The following DTD1 variants were observed in gnomAD, a reference collection of about 807,000 sequenced individuals.
DTD1 encodes D-tyrosyl-tRNA deacylase 1 homolog.
A neutral mutation model predicts 25.6 loss-of-function variants in DTD1; 13 were observed. The ratio of observed to expected loss-of-function variants is 0.51; its 90% CI spans 0.33 to 0.81. The LOEUF (loss-of-function observed/expected upper bound fraction) is 0.81. Among genes scored for constraint, DTD1 ranks in the 30% least tolerant of loss-of-function variants. The probability of loss-of-function intolerance (pLI) is 0.02; values close to 1 mark genes in which losing one functional copy is unlikely to be tolerated. For missense variants in DTD1, 193 were observed against 266.4 expected, an observed-to-expected ratio of 0.72 and a Z score of 1.92; for synonymous variants, 110 against 103.6, an observed-to-expected ratio of 1.06 and a Z score of -0.37.
chr20:18,735,948 A>G (rs1429110752), intron 4 of DTD1, among the ~76,000 whole-genome samples: 6 of 152,012 alleles, frequency 3.9e-5, no homozygotes, highest in African/African-American at 1.4e-4. Flanking sequence ...CTTTTTTTTC[A>G]GTAGTTCATC....
intron 3 of DTD1, among the ~76,000 whole-genome samples, chr20:18,627,540 A>G (rs76003268): frequency 0.016 from 2,366 of 152,286 alleles, 32 homozygotes; most frequent in African/African-American, 0.029. Flanking sequence ...TCTGTTGGGC[A>G]CGCAGCAGCC....
chr20:18,613,813 ATTC>A (rs1364587136), intron 3 of DTD1, among the ~76,000 whole-genome samples: 1 of 151,990 alleles, frequency 6.6e-6, no homozygotes, highest in Non-Finnish European at 1.5e-5. Context: ...TCATTTGTTG[ATTC>A]TTCTTGACTC....
intron 3 of DTD1, among the ~76,000 whole-genome samples, chr20:18,622,142 G>C (rs965404632): frequency 6.6e-6 from 1 of 152,036 alleles, no homozygotes; most frequent in Admixed American, 6.6e-5. Flanking sequence ...AGGTATACAT[G>C]TGCCATGGTG....
At chr20:18,685,783 A>T (rs145143576) in intron 4 of DTD1, among the ~76,000 whole-genome samples, 35 of 152,284 alleles carry the variant, frequency 2.3e-4, no homozygotes, top group Admixed American at 2.1e-3. Flanking sequence ...ACCTTCTTTG[A>T]TGCAGCCCAG....
chr20:18,737,796 A>G (rs1433803999), intron 4 of DTD1, among the ~76,000 whole-genome samples: 1 of 152,254 alleles, frequency 6.6e-6, no homozygotes, highest in African/African-American at 2.4e-5. Flanking sequence ...AAAAGGATGG[A>G]CGAATTGAGT....
chr20:18,742,592 G>A (rs1373293700), intron 4 of DTD1, among the ~76,000 whole-genome samples: 3 of 152,172 alleles, frequency 2.0e-5, no homozygotes, highest in African/African-American at 7.2e-5. Context: ...TCTCACCAAT[G>A]TCTGATGCTC....
At chr20:18,632,605 TG>T (rs1317282696) in intron 4 of DTD1, 2 of 984,870 alleles carry the variant, frequency 2.0e-6, no homozygotes, top group Non-Finnish European at 2.4e-6. Context: ...TAATTCTCAG[TG>T]TTTTATTTTT....
chr20:18,760,806 T>C (rs1474443725), intron 5 of DTD1, among the ~76,000 whole-genome samples: 1 of 152,192 alleles, frequency 6.6e-6, no homozygotes, highest in African/African-American at 2.4e-5. Flanking sequence ...CTGCTGCCTT[T>C]TGTTTGTCTG....
intron 4 of DTD1, among the ~76,000 whole-genome samples, chr20:18,661,116 C>T (rs1466158439): frequency 6.6e-6 from 1 of 152,186 alleles, no homozygotes; most frequent in Non-Finnish European, 1.5e-5. Context: ...GCCTATCCCT[C>T]TGCCATTATC....
chr20:18,726,119 G>A (rs185621667), intron 4 of DTD1, among the ~76,000 whole-genome samples: 63 of 151,260 alleles, frequency 4.2e-4, no homozygotes, highest in Non-Finnish European at 4.4e-5. Context: ...ATCCTCACAT[G>A]TTTAGGGATG....
chr20:18,752,593 T>G (rs2061324892), intron 5 of DTD1, among the ~76,000 whole-genome samples: 1 of 152,182 alleles, frequency 6.6e-6, no homozygotes, highest in Non-Finnish European at 1.5e-5. Context: ...TGCATATTGT[T>G]TACTTTTTCA....
intron 4 of DTD1, among the ~76,000 whole-genome samples, chr20:18,662,710 C>T (rs1414042458): frequency 6.6e-6 from 1 of 151,996 alleles, no homozygotes; most frequent in Non-Finnish European, 1.5e-5. Context: ...ACTGACATTT[C>T]CAAAGGGATA....
chr20:18,611,979 C>T (rs1407989853), intron 3 of DTD1, among the ~76,000 whole-genome samples: 2 of 151,706 alleles, frequency 1.3e-5, no homozygotes, highest in African/African-American at 4.8e-5. Context: ...CTCAGCCTCC[C>T]GAGTAGCTGG....
At chr20:18,702,607 C>A (rs1196376540) in intron 4 of DTD1, among the ~76,000 whole-genome samples, 2 of 152,050 alleles carry the variant, frequency 1.3e-5, no homozygotes, top group African/African-American at 4.8e-5. Flanking sequence ...TGACCAGGAG[C>A]AGGTTGGTCT....
intron 3 of DTD1, among the ~76,000 whole-genome samples, chr20:18,607,214 A>T (rs1286968060): frequency 6.6e-6 from 1 of 152,124 alleles, no homozygotes; most frequent in Non-Finnish European, 1.5e-5. Flanking sequence ...TCCAGGCTGG[A>T]GTGCAGTGGT....
rs535362039 is a variant in DTD1, at chr20:18,676,095, A to G, written c.477+47862A>G. On this transcript the variant is annotated intron_variant, in intron 4 of 5. Transcript: ENST00000377452. ...TTATGCTCTAGTTTTTCCTCTTAGG[A>G]GCAGTGATTTGGTGAACTGTACTGT... 3.3e-5 allele frequency among the ~76,000 whole-genome samples: 5 copies of G among 152,232 alleles called. No homozygotes were observed. The South Asian group carries it at 1.0e-3, about 32-fold the overall frequency.
chr20:18,695,491 TTTCCTTTCCCTTCCCTTCCCTTCCC>T (rs1600374689), intron 4 of DTD1, among the ~76,000 whole-genome samples: 1 of 1,780 alleles, frequency 5.6e-4, no homozygotes, highest in East Asian at 0.015. Flanking sequence ...CTTCCCTTCC[TTTCCTTTCCCTTCCCTTCCCTTCCC>T]TTCCTTTCCC....
intron 4 of DTD1, among the ~76,000 whole-genome samples, chr20:18,639,747 A>G (rs1367953091): frequency 6.6e-6 from 1 of 152,150 alleles, no homozygotes; most frequent in Non-Finnish European, 1.5e-5. Flanking sequence ...TTCTTTTTCT[A>G]TTTTTAATCA....
intron 4 of DTD1, among the ~76,000 whole-genome samples, chr20:18,718,140 C>T (rs2061188724): frequency 6.6e-6 from 1 of 152,140 alleles, no homozygotes; most frequent in South Asian, 2.1e-4. Flanking sequence ...GGGTTTATTT[C>T]TTTAAAAATA....
Sources: gnomAD v4.1 joint callset for allele counts (sites outside exome capture counted in the v4.1 genomes callset) on GRCh38, gnomAD v4.1.1 for gene constraint, MANE v1.5 for transcripts, NCBI Gene and HGNC (gene_info 2026-07-23, HGNC 2026-07-21) for gene names.